SNTB2: variants seen among roughly 807,000 people sequenced by gnomAD.
The protein encoded by SNTB2 is beta-2-syntrophin.
In SNTB2, 34 loss-of-function variants were observed where a neutral mutation model predicts 46.2. That is an observed-to-expected ratio of 0.74 (90% CI 0.56 to 0.98). SNTB2 has a LOEUF of 0.98. SNTB2 is among the 50% of genes least tolerant of loss of function. The pLI is 0.00. For missense variants in SNTB2, 603 were observed against 731.4 expected (o/e 0.82, Z 2.02); for synonymous variants, 290 against 312.6 (o/e 0.93, Z 0.76).
At chr16:69,202,671 G>C (rs1032003620) in intron 1 of SNTB2, among the ~76,000 whole-genome samples, 1 of 152,086 alleles carries the variant, frequency 6.6e-6, no homozygotes, top group Non-Finnish European at 1.5e-5. Flanking sequence ...TGCCTCCCGG[G>C]TTCAAGCAAT....
chr16:69,295,375 G>A (rs1181187503), intron 5 of SNTB2, among the ~76,000 whole-genome samples: 1 of 149,854 alleles, frequency 6.7e-6, no homozygotes, highest in Non-Finnish European at 1.5e-5. Flanking sequence ...TCAGCCTCCC[G>A]AGTAGCTGGG....
At chr16:69,251,430 T>C (rs35076456) in intron 2 of SNTB2, among the ~76,000 whole-genome samples, 38,487 of 144,372 alleles carry the variant, frequency 0.27, 5,856 homozygotes, top group African/African-American at 0.39. Flanking sequence ...TGGGTAAATT[T>C]GTAGGAGTGG....
In SNTB2 at chr16:69,275,964, A is replaced by G. The variant is rs573855077; in HGVS notation, c.1148+5679A>G. ...TGGATTGCACATTTACAGATTCTTC[A>G]AAACCAAAGCTCTGTACGTGTGTGG... is the stretch of plus-strand genomic sequence containing the variant. On this transcript the variant is annotated intron_variant, in intron 4 of 6. Coordinates refer to ENST00000336278, the MANE Select transcript of SNTB2 (RefSeq NM_006750.4). Among the ~76,000 whole-genome samples the G allele has an allele frequency of 3.3e-5, 5 of 152,238 alleles. No homozygotes were observed. In the East Asian group the frequency reaches 7.7e-4, roughly 23 times the overall value.
chr16:69,194,282 T>C (rs1964083415), intron 1 of SNTB2, among the ~76,000 whole-genome samples: 1 of 152,228 alleles, frequency 6.6e-6, no homozygotes, highest in Non-Finnish European at 1.5e-5. Context: ...TTCTCATTGA[T>C]TTTAAATATA....
At chr16:69,245,922 G>A (rs1410637236) in intron 2 of SNTB2, 107 bp downstream of exon 2, 1 of 1,147,826 alleles carries the variant, frequency 8.7e-7, no homozygotes, top group Non-Finnish European at 1.3e-6. Context: ...GAAAACATCT[G>A]TCTGAGGTGA....
chr16:69,235,161 G>A (rs1419129467), intron 1 of SNTB2, among the ~76,000 whole-genome samples: 1 of 151,672 alleles, frequency 6.6e-6, no homozygotes, highest in Non-Finnish European at 1.5e-5. Context: ...ACAGGCGCAC[G>A]CCACCATGCC....
intron 3 of SNTB2, among the ~76,000 whole-genome samples, chr16:69,260,461 C>T (rs574936499): frequency 2.0e-5 from 3 of 152,270 alleles, no homozygotes; most frequent in South Asian, 2.1e-4. Context: ...TCCACTCAAC[C>T]AGAAGTAGCT....
chr16:69,294,664 C>T (rs1965205750), intron 5 of SNTB2, among the ~76,000 whole-genome samples: 1 of 151,820 alleles, frequency 6.6e-6, no homozygotes, highest in African/African-American at 2.4e-5. Context: ...ACCCAGGAGG[C>T]GGAGGTTGCA....
chr16:69,262,313 T>TC (rs1964841629), intron 3 of SNTB2, among the ~76,000 whole-genome samples: 1 of 149,242 alleles, frequency 6.7e-6, no homozygotes, highest in South Asian at 2.1e-4. Context: ...TTTTGTTGCT[T>TC]TTTTTTTTTG....
chr16:69,224,156 A>G (rs1964434858), intron 1 of SNTB2, among the ~76,000 whole-genome samples: 1 of 152,036 alleles, frequency 6.6e-6, no homozygotes, highest in South Asian at 2.1e-4. Flanking sequence ...CTAGTCATAT[A>G]AACCTTGATT....
At chr16:69,207,272 G>C (rs1203141163) in intron 1 of SNTB2, among the ~76,000 whole-genome samples, 1 of 151,402 alleles carries the variant, frequency 6.6e-6, no homozygotes, top group Non-Finnish European at 1.5e-5. Context: ...TCCTGCCTCG[G>C]CTTCCCGAGT....
chr16:69,218,001 G>A (rs1275794106), intron 1 of SNTB2, among the ~76,000 whole-genome samples: 1 of 152,094 alleles, frequency 6.6e-6, no homozygotes, highest in African/African-American at 2.4e-5. Flanking sequence ...GGTGGCAGGT[G>A]GTAAACACAA....
Position 69,235,657 on chromosome 16 carries a change from C to CA in SNTB2, c.581-9939dup. 3.3e-6 allele frequency: 4 copies of CA among 1,211,188 alleles called. No homozygotes were observed. In the South Asian group the frequency reaches 5.9e-5, roughly 18 times the overall value. The allele number at this position is 1,211,188 out of a possible 1,614,324, so 75.0% of individuals were successfully genotyped here. A position where few individuals can be genotyped will look rare whatever the true frequency, so the allele number is the denominator to read the frequency against. The stretch of plus-strand genomic sequence containing the variant: ...GGGAGCAGAAAGAAAGAAAACAAAA[C>CA]AAAAAACCCTGGCACCAATATGACA... On this transcript the variant is annotated intron_variant, in intron 1 of 6. Transcript: ENST00000336278.
intron 1 of SNTB2, among the ~76,000 whole-genome samples, chr16:69,230,092 G>A (rs1964493451): frequency 6.6e-6 from 1 of 151,144 alleles, no homozygotes; most frequent in Admixed American, 6.6e-5. Context: ...TGGCCCGATG[G>A]CATGTATTTA....
At chr16:69,292,418 T>TTA (rs1491147095) in intron 5 of SNTB2, among the ~76,000 whole-genome samples, 2 of 14,252 alleles carry the variant, frequency 1.4e-4, no homozygotes, top group South Asian at 2.4e-3. Context: ...TATATATATA[T>TTA]TATATATATA....
At chr16:69,278,997 T>TGACA (rs1441876854) in intron 4 of SNTB2, among the ~76,000 whole-genome samples, 1 of 151,890 alleles carries the variant, frequency 6.6e-6, no homozygotes, top group African/African-American at 2.4e-5. Flanking sequence ...ATAACATGGA[T>TGACA]GACAGAGCCT....
intron 6 of SNTB2, 88 bp downstream of exon 6, chr16:69,299,862 A>T (rs960467382): frequency 1.5e-6 from 2 of 1,345,856 alleles, no homozygotes; most frequent in Admixed American, 2.3e-5. Flanking sequence ...AAAGTCATGG[A>T]CTGACATTCC....
chr16:69,256,180 C>T (rs763646199), intron 2 of SNTB2, among the ~76,000 whole-genome samples: 1 of 151,592 alleles, frequency 6.6e-6, no homozygotes, highest in Non-Finnish European at 1.5e-5. Context: ...AGCGAAACTC[C>T]GTCTCAAAAA....
chr16:69,264,244 C>T (rs1964864204), intron 3 of SNTB2, among the ~76,000 whole-genome samples: 5 of 152,128 alleles, frequency 3.3e-5, no homozygotes, highest in Admixed American at 2.0e-4. Context: ...AGGGTTTAGC[C>T]CCAGCTAAGC....
Sources: allele counts gnomAD v4.1 joint callset (sites outside exome capture counted in the v4.1 genomes callset), GRCh38; gene constraint gnomAD v4.1.1; transcripts MANE v1.5; gene names NCBI Gene and HGNC (gene_info 2026-07-23, HGNC 2026-07-21).